Variants in CLUL1 observed in about 807,000 individuals in gnomAD.
The protein encoded by CLUL1 is clusterin like 1.
In CLUL1, 43 loss-of-function variants were observed where a neutral mutation model predicts 49.4. The observed-to-expected ratio is 0.87, with a 90% CI of 0.68 to 1.12. The LOEUF (loss-of-function observed/expected upper bound fraction) is 1.12, where lower values mean the gene tolerates loss of function less well. CLUL1 is among the 50% of genes most tolerant of loss of function. The probability of loss-of-function intolerance (pLI) is 0.00; values close to 1 mark genes in which losing one functional copy is unlikely to be tolerated. For missense variants in CLUL1, 486 were observed against 544.4 expected (o/e 0.89, Z 1.07); for synonymous variants, 192 against 184.9 (o/e 1.04, Z -0.31).
chr18:600,668 T>C (rs546069672), intron 1 of CLUL1, among the ~76,000 whole-genome samples: 1 of 152,264 alleles, frequency 6.6e-6, no homozygotes, highest in Admixed American at 6.5e-5. Flanking sequence ...GATTAAGTAG[T>C]TTTATAAGGA....
intron 1 of CLUL1, chr18:598,373 T>A: frequency 2.6e-6 from 1 of 392,088 alleles, no homozygotes; most frequent in Non-Finnish European, 4.5e-6. Flanking sequence ...ATGTGGCTGT[T>A]TCCCAAGTCT....
At chr18:647,205 C>A (rs2074533107) in intron 9 of CLUL1, among the ~76,000 whole-genome samples, 1 of 150,340 alleles carries the variant, frequency 6.7e-6, no homozygotes, top group Non-Finnish European at 1.5e-5. Context: ...CATCTAGGTA[C>A]TGAGGGTGCT....
At chr18:597,927 C>T (rs1446376224) in intron 1 of CLUL1, 1 of 152,198 alleles carries the variant, frequency 6.6e-6, no homozygotes, top group South Asian at 2.1e-4. Context: ...CTATTAACTG[C>T]TACCTTAAAC....
At chr18:607,539 G>A (rs1247961420) in intron 2 of CLUL1, among the ~76,000 whole-genome samples, 1 of 152,144 alleles carries the variant, frequency 6.6e-6, no homozygotes, top group East Asian at 1.9e-4. Context: ...GTTCGAGTGA[G>A]CCTTAGCCTC....
chr18:649,863 T>G (rs2074626788), intron 9 of CLUL1, 35 bp from the exon 10 acceptor site: 1 of 1,302,230 alleles, frequency 7.7e-7, no homozygotes, highest in Non-Finnish European at 1.1e-6. Context: ...TTTATTAGTA[T>G]TTTGATCATT....
chr18:614,249 T>A (rs1489280091), intron 2 of CLUL1, among the ~76,000 whole-genome samples: 1 of 151,798 alleles, frequency 6.6e-6, no homozygotes, highest in Non-Finnish European at 1.5e-5. Context: ...AATAATTTTC[T>A]TTAAGTTTAT....
In CLUL1 at chr18:618,157, C is replaced by G. The variant is rs752476474; in HGVS notation, c.106+51C>G. On this transcript the variant is annotated intron_variant, in intron 3 of 9. Coordinates refer to ENST00000692774, the MANE Select transcript of CLUL1 (RefSeq NM_001393344.1). This position sits in a 1 kb window ranked among gnomAD's most constrained non-coding sequence, Gnocchi z 4.2. ...GTGTCCTGTTTGCATGTTGGTTGTCCTGCTGGCGTTTATAGTGAGTCGCAG... is the reference window on the plus strand; with the variant it reads ...GTGTCCTGTTTGCATGTTGGTTGTCGTGCTGGCGTTTATAGTGAGTCGCAG... 7.2e-7 allele frequency: 1 copy of G among 1,387,194 alleles called. No homozygotes were observed. Among genetic ancestry groups the G allele is most frequent in the South Asian group, 1.2e-5 (1 of 85,464 alleles). The allele number at this position is 1,387,194 out of a possible 1,614,324, so 85.9% of individuals were successfully genotyped here. A position where few individuals can be genotyped will look rare whatever the true frequency, so the allele number is the denominator to read the frequency against.
At chr18:626,720 G>C (rs1432941061) in intron 5 of CLUL1, among the ~76,000 whole-genome samples, 1 of 150,074 alleles carries the variant, frequency 6.7e-6, no homozygotes. Flanking sequence ...AATTAGCCAG[G>C]CATGGCGGTG....
intron 6 of CLUL1, 123 bp downstream of exon 6, chr18:627,652 G>A: frequency 1.5e-6 from 1 of 682,978 alleles, no homozygotes; most frequent in Non-Finnish European, 2.4e-6. Flanking sequence ...ACAATTTATG[G>A]AAAATGTTTC....
chr18:641,380 G>A lies in CLUL1; in HGVS notation c.1048G>A (p.Val350Ile). The A allele has an allele frequency of 6.2e-7, 1 of 1,614,170 alleles. No homozygotes were observed. The highest frequency in any genetic ancestry group is 8.5e-7 in the Non-Finnish European group (1 of 1,180,032). ...AGAATTAGACGAGGCGATCAGGTTG[G>A]TCAATGTATCCAATCAGCAGTATGG... is the stretch of plus-strand genomic sequence containing the variant. ...HTELDEAIRLVNVSNQQYGQI... is the reference protein window; with the variant it reads ...HTELDEAIRLINVSNQQYGQI... Residue 350 changes from valine to isoleucine, a missense_variant, in exon 8 of 10, where the codon GTC (valine) becomes ATC (isoleucine). Coordinates refer to ENST00000692774, the MANE Select transcript of CLUL1 (RefSeq NM_001393344.1).
chr18:641,639 G>A, intron 8 of CLUL1, 98 bp downstream of exon 8: 1 of 988,006 alleles, frequency 1.0e-6, no homozygotes, highest in Non-Finnish European at 1.5e-6. Context: ...TTGAAAACAA[G>A]CTGTAGGAGG....
At chr18:598,164 C>T in intron 1 of CLUL1, 1 of 164,994 alleles carries the variant, frequency 6.1e-6, no homozygotes, top group Non-Finnish European at 1.3e-5. Context: ...TAAAAATATG[C>T]AGCAGCACAA....
Position 644,958 on chromosome 18 carries a change from A to G in CLUL1, c.1258A>G (p.Met420Val). 1 of 1,613,570 alleles carries G rather than the reference A, an allele frequency of 6.2e-7. No individual in the cohort carries two copies. Among genetic ancestry groups the G allele is most frequent in the East Asian group, 2.2e-5 (1 of 44,846 alleles). Residue 420 changes from methionine to valine, a missense_variant, in exon 9 of 10, where the codon ATG (methionine) becomes GTG (valine). Physicochemically the swap from Met to Val is conservative, Grantham distance 21 (BLOSUM62 1). Transcript: ENST00000692774. ...EGNISKQDET[M>V]MTDLSILPSS... ...AAATATTTCCAAACAAGATGAAACA[A>G]TGATGACAGACTTAAGCATTCTGCC...
At chr18:626,859 T>A (rs759245968) in intron 5 of CLUL1, among the ~76,000 whole-genome samples, 1 of 106,792 alleles carries the variant, frequency 9.4e-6, no homozygotes, top group Non-Finnish European at 2.0e-5. Flanking sequence ...AGACTCCATC[T>A]CAAATAAGAA....
rs2073368251 is a variant in CLUL1, at chr18:618,258, A to G, written c.106+152A>G. ...CTTAAACCAGGTCATCCTGACGCCA[A>G]ACATCTGGGTAAAAATAGAAAATTC... is the stretch of plus-strand genomic sequence containing the variant. On this transcript the variant is annotated intron_variant, in intron 3 of 9. Transcript: ENST00000692774. This position sits in a 1 kb window ranked among gnomAD's most constrained non-coding sequence, Gnocchi z 4.2. 21 of 606,448 alleles carry G rather than the reference A, an allele frequency of 3.5e-5. 1 individual carries two copies. The highest frequency in any genetic ancestry group is 4.4e-4 in the Middle Eastern group (1 of 2,286). The allele number at this position is 606,448 out of a possible 1,614,324, so 37.6% of individuals were successfully genotyped here.
At chr18:638,698 A>C (rs2074232570) in intron 7 of CLUL1, among the ~76,000 whole-genome samples, 1 of 151,970 alleles carries the variant, frequency 6.6e-6, no homozygotes, top group African/African-American at 2.4e-5. Context: ...TCTCTACTAA[A>C]AATATAAAAA....
At chr18:601,209 T>C (rs1162890166) in intron 1 of CLUL1, among the ~76,000 whole-genome samples, 3 of 152,236 alleles carry the variant, frequency 2.0e-5, no homozygotes, top group African/African-American at 7.2e-5. Flanking sequence ...CTTTGTATCT[T>C]GTGCTGATAG....
At chr18:608,577 G>C (rs944160480) in intron 2 of CLUL1, among the ~76,000 whole-genome samples, 16 of 152,128 alleles carry the variant, frequency 1.1e-4, no homozygotes, top group Non-Finnish European at 2.2e-4. Context: ...TGTCCACCAG[G>C]TGCAGTGGCT....
chr18:647,372 T>C (rs2074537690), intron 9 of CLUL1, among the ~76,000 whole-genome samples: 1 of 152,092 alleles, frequency 6.6e-6, no homozygotes, highest in Admixed American at 6.5e-5. Flanking sequence ...CTTTCTTTGG[T>C]TGCAAGCAAC....
Sources: allele counts gnomAD v4.1 joint callset (sites outside exome capture counted in the v4.1 genomes callset), GRCh38; gene constraint gnomAD v4.1.1; non-coding constraint Gnocchi (gnomAD v3.1); transcripts MANE v1.5; gene names NCBI Gene and HGNC (gene_info 2026-07-23, HGNC 2026-07-21).